The following AXIN1 variants were observed in gnomAD, a reference collection of about 807,000 sequenced individuals.
AXIN1 encodes axin 1.
In AXIN1, 30 loss-of-function variants were observed where a neutral mutation model predicts 76.4. That is an observed-to-expected ratio of 0.39 (90% CI 0.29 to 0.53). The LOEUF is 0.53. AXIN1 is among the 20% of genes least tolerant of loss of function. AXIN1 has a pLI of 0.66. For synonymous variants in AXIN1, 545 were observed against 501.4 expected, an observed-to-expected ratio of 1.09 and a Z score of -1.16; for missense variants, 1,140 against 1,198.8, an observed-to-expected ratio of 0.95 and a Z score of 0.72.
intron 2 of AXIN1, among the ~76,000 whole-genome samples, chr16:326,072 GGGCCA>G (rs2053573202): frequency 6.6e-6 from 1 of 151,998 alleles, no homozygotes; most frequent in Non-Finnish European, 1.5e-5. Flanking sequence ...TATATAACAA[GGGCCA>G]GGCGTGGTGG....
chr16:302,609 C>T (rs1176215605), intron 5 of AXIN1, among the ~76,000 whole-genome samples: 2 of 152,162 alleles, frequency 1.3e-5, no homozygotes, highest in African/African-American at 2.4e-5. Context: ...CGGCACCCTG[C>T]GTCCACCCTC....
chr16:289,844 G>C (rs939026392), intron 9 of AXIN1: 1 of 600,784 alleles, frequency 1.7e-6, no homozygotes, highest in African/African-American at 1.8e-5. Context: ...CTGCCTCACA[G>C]CCCCACCCTC....
chr16:328,201 G>A (rs1193125285), intron 2 of AXIN1, among the ~76,000 whole-genome samples: 1 of 152,170 alleles, frequency 6.6e-6, no homozygotes, highest in African/African-American at 2.4e-5. Flanking sequence ...AGACCAGCCT[G>A]GACAACAAGG....
chr16:315,088 C>T (rs756354726), intron 2 of AXIN1, among the ~76,000 whole-genome samples: 3 of 152,200 alleles, frequency 2.0e-5, no homozygotes, highest in Non-Finnish European at 4.4e-5. Context: ...TCAGCTCAGA[C>T]GTCTCTGCAC....
At chr16:344,654 A>T (rs2053999327) in intron 2 of AXIN1, among the ~76,000 whole-genome samples, 1 of 151,546 alleles carries the variant, frequency 6.6e-6, no homozygotes, top group Non-Finnish European at 1.5e-5. Flanking sequence ...TCGCCTATCT[A>T]ATTTTTGTAT....
At chr16:298,426 G>C (rs957888400) in intron 5 of AXIN1, among the ~76,000 whole-genome samples, 175 bp from the exon 6 acceptor site, 3 of 152,268 alleles carry the variant, frequency 2.0e-5, no homozygotes, top group African/African-American at 7.2e-5. Flanking sequence ...ACGGGGCATA[G>C]ACAGAAGGAG....
Position 288,026 on chromosome 16 carries a change from C to T in AXIN1, c.*96G>A, listed in dbSNP as rs2052433221. On this transcript the variant is annotated 3_prime_UTR_variant, in exon 11 of 11. Coordinates refer to ENST00000262320, the MANE Select transcript of AXIN1 (RefSeq NM_003502.4). Reference sequence around the variant, plus strand: ...GATGGGTGGTACACCCAACACTGTTCCCCATCGGGCTCCTGAGTACGAGGT... The same window carrying T: ...GATGGGTGGTACACCCAACACTGTTTCCCATCGGGCTCCTGAGTACGAGGT... 1 of 1,590,270 alleles carries T rather than the reference C, an allele frequency of 6.3e-7. No homozygotes were observed. Among genetic ancestry groups the T allele is most frequent in the Non-Finnish European group, 8.6e-7 (1 of 1,167,252 alleles).
rs2052413673 is a variant in AXIN1, at chr16:287,546, G to GA, written c.*575_*576insT. On this transcript the variant is annotated 3_prime_UTR_variant, in exon 11 of 11. Coordinates refer to ENST00000262320, the MANE Select transcript of AXIN1 (RefSeq NM_003502.4). The stretch of plus-strand genomic sequence containing the variant: ...AAAACAGACTCGGGCAGCCCCTGCT[G>GA]GCCTAGCCTGAGAAATGTACATATT... 3.3e-6 allele frequency: 1 copy of GA among 306,686 alleles called. No individual in the cohort carries two copies. Among genetic ancestry groups the GA allele is most frequent in the Non-Finnish European group, 6.0e-6 (1 of 166,940 alleles). 19.0% of individuals were successfully genotyped at this position (306,686 alleles called of 1,614,324 possible). A position where few individuals can be genotyped will look rare whatever the true frequency, so the allele number is the denominator to read the frequency against.
Position 293,968 on chromosome 16 carries a change from G to T in AXIN1, c.1956-250C>A, listed in dbSNP as rs1455405792. On this transcript the variant is annotated intron_variant, in intron 7 of 10. Transcript: ENST00000262320. The surrounding 1 kb of genome is among the most constrained non-coding windows in gnomAD (Gnocchi z 4.6). Reference sequence around the variant, plus strand: ...CGAGGCGGGCAGATCACCAGAGGTCGGGAGTTCGAGATCAACCTAACATGG... The same window carrying T: ...CGAGGCGGGCAGATCACCAGAGGTCTGGAGTTCGAGATCAACCTAACATGG... Among the ~76,000 whole-genome samples the T allele has an allele frequency of 6.7e-6, 1 of 148,840 alleles. No individual in the cohort carries two copies. Among genetic ancestry groups the T allele is most frequent in the African/African-American group, 2.4e-5 (1 of 41,184 alleles).
In AXIN1 at chr16:352,528, G is replaced by T; in HGVS notation, c.-241C>A. 1.6e-6 allele frequency: 1 copy of T among 629,562 alleles called. No individual in the cohort carries two copies. Among genetic ancestry groups the T allele is most frequent in the Non-Finnish European group, 2.0e-6 (1 of 507,608 alleles). 39.0% of individuals were successfully genotyped at this position (629,562 alleles called of 1,614,324 possible). Reference sequence around the variant, plus strand: ...GCTGCGGCTCGGCGGCCCGGAGGCGGACGCGGGGCAGGCCGCGGGGGCGCC... The same window carrying T: ...GCTGCGGCTCGGCGGCCCGGAGGCGTACGCGGGGCAGGCCGCGGGGGCGCC... On this transcript the variant is annotated 5_prime_UTR_variant, in exon 1 of 11. Transcript: ENST00000262320.
At chr16:339,196 CAAAAAAAAAAAA>C (rs1002630324) in intron 2 of AXIN1, among the ~76,000 whole-genome samples, 282 of 34,694 alleles carry the variant, frequency 8.1e-3, no homozygotes, top group African/African-American at 0.032. Context: ...AGCCTGGTCT[CAAAAAAAAAAAA>C]AAAAAAAAAA....
intron 2 of AXIN1, among the ~76,000 whole-genome samples, chr16:336,273 A>G: frequency 6.6e-6 from 1 of 152,228 alleles, no homozygotes; most frequent in South Asian, 2.1e-4. Flanking sequence ...CTCAGAAGTG[A>G]AAGCACCATG....
intron 6 of AXIN1, 111 bp from the exon 7 acceptor site, chr16:297,337 G>A: frequency 4.3e-6 from 6 of 1,404,988 alleles, no homozygotes; most frequent in Non-Finnish European, 5.9e-6. Context: ...TGGTGCAGCC[G>A]CCGCCCGCTG....
chr16:305,852 G>A (rs1445217243), intron 4 of AXIN1, among the ~76,000 whole-genome samples: 2 of 152,034 alleles, frequency 1.3e-5, no homozygotes, highest in Admixed American at 1.3e-4. Context: ...CCCCCCTATA[G>A]CTTTTTTTAA....
intron 6 of AXIN1, 72 bp from the exon 7 acceptor site, chr16:297,298 G>T (rs2141505279): frequency 6.3e-7 from 1 of 1,583,076 alleles, no homozygotes; most frequent in Non-Finnish European, 8.6e-7. Context: ...CGTCTGCGAG[G>T]CCCCCTCCTG....
chr16:328,471 G>A (rs1246625718), intron 2 of AXIN1, among the ~76,000 whole-genome samples: 4 of 151,980 alleles, frequency 2.6e-5, no homozygotes, highest in African/African-American at 9.7e-5. Context: ...CGCGGCGGGC[G>A]GATCACCTGA....
intron 2 of AXIN1, 28 bp from the exon 3 acceptor site, chr16:314,711 G>A (rs755503591): frequency 1.2e-6 from 2 of 1,612,302 alleles, no homozygotes; most frequent in Non-Finnish European, 1.7e-6. Context: ...GGGCATGTTA[G>A]TGACAGCCTG....
In AXIN1 at chr16:291,246, G is replaced by A. The variant is rs142782196; in HGVS notation, c.2238C>T (p.Cys746=). The change falls in exon 9 of 11, where the codon TGC becomes TGT. Residue 746 remains cysteine (C), a synonymous_variant. Transcript: ENST00000262320. ...RRGRACVRPA[C]APVLHVVPAV... ...CTGGTACCACGTGCAGCACCGGCGC[G>A]CACGCTGGCCTGACGCAGGCGCGTC... The A allele has an allele frequency of 5.1e-4, 809 of 1,586,708 alleles. No individual in the cohort carries two copies. Among genetic ancestry groups the A allele is most frequent in the Non-Finnish European group, 6.4e-4 (746 of 1,167,618 alleles).
intron 2 of AXIN1, among the ~76,000 whole-genome samples, chr16:324,699 G>A (rs1272438500): frequency 6.6e-6 from 1 of 152,194 alleles, no homozygotes; most frequent in Non-Finnish European, 1.5e-5. Flanking sequence ...GGAGGAGGAG[G>A]GGCACCCCAG....
Sources: allele counts gnomAD v4.1 joint callset (sites outside exome capture counted in the v4.1 genomes callset), GRCh38; gene constraint gnomAD v4.1.1; non-coding constraint Gnocchi (gnomAD v3.1); transcripts MANE v1.5; gene names NCBI Gene and HGNC (gene_info 2026-07-23, HGNC 2026-07-21).